PRPS1: variants seen among roughly 807,000 people sequenced by gnomAD.
PRPS1 encodes ribose-phosphate pyrophosphokinase 1.
Under a neutral mutation model 16.9 loss-of-function variants are expected in PRPS1, and 1 was observed. The observed-to-expected ratio is 0.06, with a 90% CI of 0.02 to 0.28. The LOEUF is 0.28. PRPS1 is among the 10% of genes least tolerant of loss of function. The probability of loss-of-function intolerance (pLI) is 1.00; values close to 1 mark genes in which losing one functional copy is unlikely to be tolerated. For synonymous variants in PRPS1, 70 were observed against 90.2 expected (o/e 0.78, Z 1.27); for missense variants, 47 against 254.0 (o/e 0.19, Z 5.54).
rs776399830 is a variant in PRPS1, at chrX:107,628,596, C to A, written c.-33C>A. ...TTCCGGTCTCTGCAGCAGCCGTGAT[C>A]GCTTAGTGGAGTGCTTAGGGTAGTT... On this transcript the variant is annotated 5_prime_UTR_variant, in exon 1 of 7. Coordinates refer to ENST00000372435, the MANE Select transcript of PRPS1 (RefSeq NM_002764.4). 8.3e-7 allele frequency: 1 copy of A among 1,211,360 alleles called. No individual in the cohort carries two copies. The highest frequency in any genetic ancestry group is 1.1e-6 in the Non-Finnish European group (1 of 895,475).
intron 4 of PRPS1, among the ~76,000 whole-genome samples, chrX:107,644,156 C>T (rs973171532): frequency 1.8e-5 from 2 of 112,022 alleles, no homozygotes; most frequent in African/African-American, 6.5e-5. Flanking sequence ...GTCTTCTATC[C>T]TACCTTCTAG....
rs1925813806 is a variant in PRPS1, at chrX:107,650,872, G to A, written c.*840G>A. The A allele has an allele frequency of 1.0e-5, 3 of 287,173 alleles. No homozygotes were observed. The highest frequency in any genetic ancestry group is 1.8e-5 in the Non-Finnish European group (3 of 165,065). The allele number at this position is 287,173 out of a possible 1,213,427, so 23.7% of individuals were successfully genotyped here. A position where few individuals can be genotyped will look rare whatever the true frequency, so the allele number is the denominator to read the frequency against. ...CCACTGAGGCAGTAGGTTTTAGGTGGTATCGTAGTGCCTTTTGATTAATTT... is the reference window on the plus strand; with the variant it reads ...CCACTGAGGCAGTAGGTTTTAGGTGATATCGTAGTGCCTTTTGATTAATTT... On this transcript the variant is annotated 3_prime_UTR_variant, in exon 7 of 7. Coordinates refer to ENST00000372435, the MANE Select transcript of PRPS1 (RefSeq NM_002764.4).
At chrX:107,644,658 T>C (rs1263561724) in intron 4 of PRPS1, among the ~76,000 whole-genome samples, 1 of 111,867 alleles carries the variant, frequency 8.9e-6, no homozygotes, top group Non-Finnish European at 1.9e-5. Flanking sequence ...AAGCTTCTGT[T>C]GAGCTATGGA....
At chrX:107,641,418 C>T (rs888952217) in intron 3 of PRPS1, among the ~76,000 whole-genome samples, 1 of 111,813 alleles carries the variant, frequency 8.9e-6, no homozygotes, top group Non-Finnish European at 1.9e-5. Context: ...TGCAGTGGCA[C>T]GATCTTGGCT....
chrX:107,628,910 C>T (rs755523346), intron 1 of PRPS1, among the ~76,000 whole-genome samples, 160 bp downstream of exon 1: 14 of 111,193 alleles, frequency 1.3e-4, no homozygotes, highest in African/African-American at 4.6e-4. Context: ...GTTATTTTAC[C>T]TCTCGCGGGA....
chrX:107,633,511 C>T (rs1017394749), intron 1 of PRPS1, among the ~76,000 whole-genome samples: 3 of 109,591 alleles, frequency 2.7e-5, no homozygotes, highest in Admixed American at 9.8e-5. Flanking sequence ...ATGGTACTAG[C>T]GACTGTATTG....
chrX:107,642,444 T>C lies in PRPS1; in HGVS notation c.484T>C (p.Trp162Arg). ...GTGGATAAGGGAGAATATCTCTGAG[T>C]GGAGGAACTGCACTATTGTCTCACC... The part of the protein sequence containing the change: ...LKWIRENISE[W>R]RNCTIVSPDA... Residue 162 changes from tryptophan (W) to arginine (R), a missense_variant, in exon 4 of 7, where the codon TGG (tryptophan) becomes CGG (arginine). By Grantham distance (101) the Trp-to-Arg change is moderately radical. Around this residue, in one of 3 missense-constraint regions of PRPS1, gnomAD observed 19 missense variants for 155.6 expected, o/e 0.12. Transcript: ENST00000372435. The C allele has an allele frequency of 8.3e-7, 1 of 1,211,307 alleles. No homozygotes were observed. The highest frequency in any genetic ancestry group is 1.1e-6 in the Non-Finnish European group (1 of 895,273).
At chrX:107,638,249 A>G (rs1014307698) in intron 1 of PRPS1, among the ~76,000 whole-genome samples, 2 of 111,430 alleles carry the variant, frequency 1.8e-5, no homozygotes, top group African/African-American at 6.5e-5. Context: ...AGCTGGGACT[A>G]CAGGCGTGTG....
At chrX:107,640,320 C>T (rs967624729) in intron 2 of PRPS1, among the ~76,000 whole-genome samples, 5 of 90,550 alleles carry the variant, frequency 5.5e-5, no homozygotes, top group African/African-American at 1.8e-4. Context: ...CCAGCCTGGG[C>T]GATAGAGCAA....
chrX:107,635,406 T>TAA (rs1925410303), intron 1 of PRPS1, among the ~76,000 whole-genome samples: 1 of 110,644 alleles, frequency 9.0e-6, no homozygotes, highest in Admixed American at 9.7e-5. Context: ...AAGGAGCTGA[T>TAA]ATATGGAGGA....
chrX:107,639,620 CA>C, intron 2 of PRPS1, 142 bp downstream of exon 2: 1 of 612,589 alleles, frequency 1.6e-6, no homozygotes, highest in Non-Finnish European at 2.5e-6. Context: ...ATCTTCAAAA[CA>C]ATAGAAATAT....
At chrX:107,632,849 G>A (rs1353987039) in intron 1 of PRPS1, among the ~76,000 whole-genome samples, 6 of 111,978 alleles carry the variant, frequency 5.4e-5, no homozygotes, top group African/African-American at 1.9e-4. Context: ...TTAAGACTTT[G>A]TCAAACAAAG....
intron 1 of PRPS1, among the ~76,000 whole-genome samples, chrX:107,637,422 G>A (rs1925465958): frequency 9.0e-6 from 1 of 111,404 alleles, no homozygotes; most frequent in Admixed American, 9.6e-5. Context: ...TTTTGTTAAA[G>A]TGTCATTATA....
At position 107,639,290 on chromosome X, in the gene PRPS1, T is replaced by G; in HGVS notation, c.123-5T>G. 1 of 1,209,766 alleles carries G rather than the reference T, an allele frequency of 8.3e-7. No homozygotes were observed. Among genetic ancestry groups the G allele is most frequent in the Non-Finnish European group, 1.1e-6 (1 of 893,763 alleles). ...TATTTCATGTTCTTTCTTTCCTCAT[T>G]GTAGTGTGGAAATTGGTGAAAGTGT... On this transcript the variant is annotated splice_region_variant and splice_polypyrimidine_tract_variant and intron_variant, in intron 1 of 6. Transcript: ENST00000372435.
At chrX:107,638,789 G>A (rs1427131591) in intron 1 of PRPS1, among the ~76,000 whole-genome samples, 3 of 111,031 alleles carry the variant, frequency 2.7e-5, no homozygotes. Context: ...CTGGAGTGCA[G>A]TGGTGTGATC....
At chrX:107,631,773 G>A (rs1160682289) in intron 1 of PRPS1, among the ~76,000 whole-genome samples, 2 of 111,632 alleles carry the variant, frequency 1.8e-5, no homozygotes, top group African/African-American at 6.5e-5. Context: ...TGCAACCTCC[G>A]CCACCCAGGT....
intron 1 of PRPS1, among the ~76,000 whole-genome samples, chrX:107,631,306 T>C (rs966333059): frequency 2.7e-5 from 3 of 111,839 alleles, no homozygotes. Flanking sequence ...GCACACTGCA[T>C]CCTCAAACTC....
chrX:107,650,846 G>C lies in PRPS1; in HGVS notation c.*814G>C, dbSNP rs1925813227. The C allele has an allele frequency of 3.4e-6, 1 of 291,227 alleles. No homozygotes were observed. The highest frequency in any genetic ancestry group is 6.0e-6 in the Non-Finnish European group (1 of 167,544). 24.0% of individuals were successfully genotyped at this position (291,227 alleles called of 1,213,427 possible). Reference sequence around the variant, plus strand: ...GTAGCTTGATCTTCCTTAGCCTACTGCCACTGAGGCAGTAGGTTTTAGGTG... The same window carrying C: ...GTAGCTTGATCTTCCTTAGCCTACTCCCACTGAGGCAGTAGGTTTTAGGTG... On this transcript the variant is annotated 3_prime_UTR_variant, in exon 7 of 7. Transcript: ENST00000372435.
chrX:107,648,914 C>A (rs990512877), intron 6 of PRPS1, among the ~76,000 whole-genome samples: 1 of 109,538 alleles, frequency 9.1e-6, no homozygotes, highest in Admixed American at 9.7e-5. Flanking sequence ...CATGTGCCAC[C>A]ACGCCTGACT....
Sources: allele counts gnomAD v4.1 joint callset (sites outside exome capture counted in the v4.1 genomes callset), GRCh38; gene constraint gnomAD v4.1.1; regional missense constraint gnomAD v4.1.1; transcripts MANE v1.5; gene names NCBI Gene and HGNC (gene_info 2026-07-23, HGNC 2026-07-21).